PDE3A: variants seen among roughly 807,000 people sequenced by gnomAD.
PDE3A encodes the protein cGMP-inhibited 3',5'-cyclic phosphodiesterase 3A.
PDE3A carries 43 observed loss-of-function variants against 98.3 expected under a neutral mutation model. That is an observed-to-expected ratio of 0.44 (90% CI 0.34 to 0.56). The LOEUF (loss-of-function observed/expected upper bound fraction) is 0.56. Ranked by LOEUF, PDE3A falls within the 20% of genes least tolerant of loss-of-function variation. The pLI is 0.01. For missense variants in PDE3A, 1,427 were observed against 1,440.7 expected (o/e 0.99, Z 0.15); for synonymous variants, 663 against 567.9 (o/e 1.17, Z -2.38).
intron 10 of PDE3A, among the ~76,000 whole-genome samples, chr12:20,646,266 C>G (rs993953288): frequency 6.6e-6 from 1 of 152,110 alleles, no homozygotes; most frequent in Non-Finnish European, 1.5e-5. Context: ...ACTTCAGATA[C>G]CTGCATGCAT....
chr12:20,560,784 A>G (rs1392324083), intron 2 of PDE3A, among the ~76,000 whole-genome samples: 1 of 152,166 alleles, frequency 6.6e-6, no homozygotes, highest in Admixed American at 6.5e-5. Flanking sequence ...GGTGCGGTTC[A>G]GGGAAGGGAA....
intron 2 of PDE3A, among the ~76,000 whole-genome samples, chr12:20,603,605 A>G (rs1943645478): frequency 1.3e-5 from 2 of 152,010 alleles, no homozygotes; most frequent in African/African-American, 2.4e-5. Context: ...TCTCTGTGCT[A>G]TCTTCATTTA....
chr12:20,517,378 C>T (rs753334024), intron 1 of PDE3A, among the ~76,000 whole-genome samples: 8 of 152,156 alleles, frequency 5.3e-5, no homozygotes, highest in South Asian at 4.2e-4. Flanking sequence ...CTTTGAACAA[C>T]GGGGAGAAAA....
intron 1 of PDE3A, among the ~76,000 whole-genome samples, chr12:20,544,046 C>T (rs922613451): frequency 6.6e-6 from 1 of 151,764 alleles, no homozygotes; most frequent in Non-Finnish European, 1.5e-5. Flanking sequence ...ACATGCATAA[C>T]ATATAGCCTA....
intron 1 of PDE3A, among the ~76,000 whole-genome samples, chr12:20,489,992 G>T (rs1945802082): frequency 6.6e-6 from 1 of 152,134 alleles, no homozygotes; most frequent in Non-Finnish European, 1.5e-5. Context: ...GTGACATCTG[G>T]AGGCTTTCTA....
chr12:20,517,354 G>A (rs1946341553), intron 1 of PDE3A, among the ~76,000 whole-genome samples: 1 of 152,122 alleles, frequency 6.6e-6, no homozygotes, highest in Admixed American at 6.5e-5. Flanking sequence ...TTGGACTATG[G>A]GGATTATGTG....
At chr12:20,533,728 GC>G (rs1036143794) in intron 1 of PDE3A, among the ~76,000 whole-genome samples, 7 of 150,562 alleles carry the variant, frequency 4.6e-5, no homozygotes, top group Admixed American at 4.0e-4. Context: ...GATCCGCCCC[GC>G]CCCCCTTTGG....
intron 1 of PDE3A, among the ~76,000 whole-genome samples, chr12:20,443,768 G>A (rs1376205652): frequency 6.6e-6 from 1 of 152,212 alleles, no homozygotes; most frequent in East Asian, 1.9e-4. Context: ...AGAGAAATAG[G>A]TATTATTCTA....
chr12:20,465,247 G>T (rs1945320910), intron 1 of PDE3A, among the ~76,000 whole-genome samples: 1 of 152,030 alleles, frequency 6.6e-6, no homozygotes, highest in Admixed American at 6.6e-5. Context: ...TGTATTCCAA[G>T]AATAGAGTAG....
In PDE3A at chr12:20,590,092, G is replaced by T. The variant is rs1943299953; in HGVS notation, c.1012-23351G>T. 2.0e-5 allele frequency among the ~76,000 whole-genome samples: 3 copies of T among 151,934 alleles called. 1 individual carries two copies. The highest frequency in any genetic ancestry group is 4.2e-4 in the South Asian group (2 of 4,810). On this transcript the variant is annotated intron_variant, in intron 2 of 15. Transcript: ENST00000359062. ...ACAAACCTAGAATAGTTTTCCAAGTGCTCTATTACGCAGCATATAAAACAA... is the reference window on the plus strand; with the variant it reads ...ACAAACCTAGAATAGTTTTCCAAGTTCTCTATTACGCAGCATATAAAACAA...
chr12:20,371,487 C>A, intron 1 of PDE3A: 18 of 977,324 alleles, frequency 1.8e-5, no homozygotes, highest in Non-Finnish European at 2.2e-5. Context: ...TAAGCTTTTT[C>A]TTTTTAGGTT....
chr12:20,449,894 T>G, intron 1 of PDE3A: 1 of 755,320 alleles, frequency 1.3e-6, no homozygotes, highest in Non-Finnish European at 2.1e-6. Context: ...TTAAGTGTGC[T>G]CTTCGGTGGT....
intron 1 of PDE3A, among the ~76,000 whole-genome samples, chr12:20,390,063 G>T (rs1943884737): frequency 6.6e-6 from 1 of 151,970 alleles, no homozygotes; most frequent in South Asian, 2.1e-4. Context: ...GACATCAGGT[G>T]TGGAGTGCAT....
At chr12:20,522,055 G>A (rs998564361) in intron 1 of PDE3A, among the ~76,000 whole-genome samples, 2 of 152,112 alleles carry the variant, frequency 1.3e-5, no homozygotes, top group African/African-American at 4.8e-5. Flanking sequence ...GGTTTCAGAT[G>A]TTCCTCACAG....
chr12:20,497,673 G>T (rs1217794014), intron 1 of PDE3A, among the ~76,000 whole-genome samples: 3 of 152,068 alleles, frequency 2.0e-5, no homozygotes, highest in Non-Finnish European at 2.9e-5. Context: ...AAAGATGAAG[G>T]TGGATTATTC....
At chr12:20,492,183 G>A (rs1482356747) in intron 1 of PDE3A, among the ~76,000 whole-genome samples, 4 of 152,086 alleles carry the variant, frequency 2.6e-5, no homozygotes, top group African/African-American at 7.2e-5. Context: ...GTTTCACCAC[G>A]TTGTCCAAGC....
chr12:20,405,704 C>T (rs1419046586), intron 1 of PDE3A, among the ~76,000 whole-genome samples: 1 of 152,168 alleles, frequency 6.6e-6, no homozygotes, highest in East Asian at 1.9e-4. Flanking sequence ...ACACATCGAT[C>T]ATAGTTACCT....
At chr12:20,446,392 T>C (rs368686354) in intron 1 of PDE3A, among the ~76,000 whole-genome samples, 2 of 152,152 alleles carry the variant, frequency 1.3e-5, no homozygotes, top group African/African-American at 2.4e-5. Context: ...TTTTTCTGCT[T>C]TCCTCGAGCT....
intron 1 of PDE3A, among the ~76,000 whole-genome samples, chr12:20,485,361 C>T (rs1361406364): frequency 6.6e-6 from 1 of 152,066 alleles, no homozygotes; most frequent in East Asian, 1.9e-4. Context: ...CCTAATGACT[C>T]CAACTTGATC....
Sources: allele counts gnomAD v4.1 joint callset (sites outside exome capture counted in the v4.1 genomes callset), GRCh38; gene constraint gnomAD v4.1.1; transcripts MANE v1.5; gene names NCBI Gene and HGNC (gene_info 2026-07-23, HGNC 2026-07-21).